The following CDH12 variants were observed in gnomAD, a reference collection of about 807,000 sequenced individuals.
CDH12 encodes cadherin-12.
A neutral mutation model predicts 74.1 loss-of-function variants in CDH12; 41 were observed. The observed-to-expected ratio is 0.55, with a 90% CI of 0.43 to 0.72. The LOEUF (loss-of-function observed/expected upper bound fraction) is 0.72. Among genes scored for constraint, CDH12 ranks in the 30% least tolerant of loss-of-function variants. CDH12 has a pLI of 0.00. For missense variants in CDH12, 945 were observed against 977.2 expected (o/e 0.97, Z 0.44); for synonymous variants, 399 against 355.0 (o/e 1.12, Z -1.39).
chr5:22,581,543 C>T (rs1294599153), intron 1 of CDH12, among the ~76,000 whole-genome samples: 1 of 152,194 alleles, frequency 6.6e-6, no homozygotes. Context: ...ATGGAAGTTG[C>T]CAAGGCTTGA....
chr5:21,763,445 T>C (rs1445397215), intron 12 of CDH12, among the ~76,000 whole-genome samples: 1 of 152,144 alleles, frequency 6.6e-6, no homozygotes, highest in Non-Finnish European at 1.5e-5. Context: ...AGCATGGAAA[T>C]TGAAAAAGAT....
At position 21,854,270 on chromosome 5, in the gene CDH12, A is replaced by G. The variant is rs181001706; in HGVS notation, c.646+401T>C. 1.2e-3 allele frequency among the ~76,000 whole-genome samples: 179 copies of G among 151,834 alleles called. No individual in the cohort carries two copies. In the Middle Eastern group the frequency reaches 0.014, roughly 12 times the overall value. Reference sequence around the variant, plus strand: ...TAAACCAAGCATTAATAACCCTTATATATATAGCAATAGAAGCTCCAGGAT... The same window carrying G: ...TAAACCAAGCATTAATAACCCTTATGTATATAGCAATAGAAGCTCCAGGAT... On this transcript the variant is annotated intron_variant, in intron 7 of 14. Transcript: ENST00000382254.
intron 6 of CDH12, among the ~76,000 whole-genome samples, chr5:21,860,414 T>G (rs764385267): frequency 1.3e-5 from 2 of 150,606 alleles, no homozygotes; most frequent in Non-Finnish European, 2.9e-5. Context: ...AGGAGTTGTG[T>G]ATGGGTTCAA....
chr5:22,062,539 C>G (rs1741262852), intron 5 of CDH12, among the ~76,000 whole-genome samples: 1 of 152,034 alleles, frequency 6.6e-6, no homozygotes, highest in Non-Finnish European at 1.5e-5. Flanking sequence ...TTGTTCCTTC[C>G]ACTGTTTTGC....
chr5:22,237,590 C>T (rs1355761690), intron 3 of CDH12, among the ~76,000 whole-genome samples: 10 of 152,066 alleles, frequency 6.6e-5, no homozygotes, highest in African/African-American at 2.4e-4. Flanking sequence ...TTGCCAGTGC[C>T]CAGCCTCCAG....
At chr5:22,322,957 C>A (rs1580522556) in intron 3 of CDH12, among the ~76,000 whole-genome samples, 1 of 152,214 alleles carries the variant, frequency 6.6e-6, no homozygotes, top group East Asian at 1.9e-4. Context: ...TTATCAATCA[C>A]CCTAAAAGTG....
intron 3 of CDH12, among the ~76,000 whole-genome samples, chr5:22,397,260 A>G (rs1742498032): frequency 1.3e-5 from 2 of 152,084 alleles, no homozygotes; most frequent in African/African-American, 4.8e-5. Context: ...AATGCAGACA[A>G]TGCCAGCCTT....
intron 1 of CDH12, among the ~76,000 whole-genome samples, chr5:22,535,320 A>C (rs541011829): frequency 6.6e-6 from 1 of 151,634 alleles, no homozygotes; most frequent in South Asian, 2.1e-4. Flanking sequence ...ACGCCCGGCT[A>C]ATTTTTTTTG....
chr5:22,038,509 A>G (rs1739338678), intron 5 of CDH12, among the ~76,000 whole-genome samples: 1 of 152,150 alleles, frequency 6.6e-6, no homozygotes, highest in African/African-American at 2.4e-5. Flanking sequence ...GCCATGGTGG[A>G]GCTGTACCAT....
intron 3 of CDH12, among the ~76,000 whole-genome samples, chr5:22,350,329 C>T (rs1350793141): frequency 6.6e-6 from 1 of 152,076 alleles, no homozygotes; most frequent in Non-Finnish European, 1.5e-5. Flanking sequence ...AGTTTAAACT[C>T]ATTGTATTTA....
chr5:22,194,171 A>G (rs1183775262), intron 4 of CDH12, among the ~76,000 whole-genome samples: 3 of 152,124 alleles, frequency 2.0e-5, no homozygotes. Context: ...CCCCTAGCCA[A>G]TGGTAAATAG....
At chr5:22,466,531 G>A (rs1745735170) in intron 2 of CDH12, among the ~76,000 whole-genome samples, 1 of 152,108 alleles carries the variant, frequency 6.6e-6, no homozygotes, top group Admixed American at 6.5e-5. Context: ...CTGCGTTTGT[G>A]CAGGTGTGTG....
At chr5:21,855,889 C>A (rs534201367) in intron 6 of CDH12, among the ~76,000 whole-genome samples, 3 of 151,704 alleles carry the variant, frequency 2.0e-5, no homozygotes, top group African/African-American at 7.2e-5. Context: ...CTACCATTTT[C>A]TTTTAATAAA....
intron 6 of CDH12, among the ~76,000 whole-genome samples, chr5:21,871,967 A>G (rs1228551685): frequency 6.6e-6 from 1 of 152,134 alleles, no homozygotes; most frequent in East Asian, 1.9e-4. Flanking sequence ...ATGATATTGG[A>G]TCACTTTATT....
intron 3 of CDH12, among the ~76,000 whole-genome samples, chr5:22,237,136 C>T (rs1321808738): frequency 1.3e-5 from 2 of 152,002 alleles, no homozygotes; most frequent in Non-Finnish European, 2.9e-5. Flanking sequence ...TTGTTTACAC[C>T]AGCAGCACCG....
intron 2 of CDH12, among the ~76,000 whole-genome samples, chr5:22,480,496 A>T (rs1470907391): frequency 6.6e-6 from 1 of 151,796 alleles, no homozygotes; most frequent in Non-Finnish European, 1.5e-5. Flanking sequence ...AAGACGGGAG[A>T]ATCACCTGAG....
intron 4 of CDH12, among the ~76,000 whole-genome samples, chr5:22,123,180 C>A (rs1745625821): frequency 6.6e-6 from 1 of 152,030 alleles, no homozygotes; most frequent in Admixed American, 6.6e-5. Flanking sequence ...GGATAAATGC[C>A]CTTATAGAAG....
intron 4 of CDH12, among the ~76,000 whole-genome samples, chr5:22,141,974 C>T (rs1308613278): frequency 6.6e-6 from 1 of 152,026 alleles, no homozygotes; most frequent in East Asian, 1.9e-4. Context: ...AGTTGTACGG[C>T]CATAGGGTGG....
At chr5:22,524,180 C>T (rs888353978) in intron 1 of CDH12, among the ~76,000 whole-genome samples, 1 of 151,946 alleles carries the variant, frequency 6.6e-6, no homozygotes, top group African/African-American at 2.4e-5. Context: ...GACAGAGTTG[C>T]ACCATGTTGT....
Sources: allele counts gnomAD v4.1 joint callset (sites outside exome capture counted in the v4.1 genomes callset), GRCh38; gene constraint gnomAD v4.1.1; transcripts MANE v1.5; gene names NCBI Gene and HGNC (gene_info 2026-07-23, HGNC 2026-07-21).